The following NIPA2 variants were observed in gnomAD, a reference collection of about 807,000 sequenced individuals.
NIPA2 encodes magnesium transporter NIPA2.
In NIPA2, 11 loss-of-function variants were observed where a neutral mutation model predicts 29.7. The observed-to-expected ratio is 0.37, with a 90% CI of 0.23 to 0.61. NIPA2 has a LOEUF of 0.61. Ranked by LOEUF, NIPA2 falls within the 20% of genes least tolerant of loss-of-function variation. The probability of loss-of-function intolerance (pLI) is 0.66; values close to 1 mark genes in which losing one functional copy is unlikely to be tolerated. For missense variants in NIPA2, 426 were observed against 437.9 expected (o/e 0.97, Z 0.24); for synonymous variants, 183 against 161.9 (o/e 1.13, Z -0.99).
intron 5 of NIPA2, among the ~76,000 whole-genome samples, chr15:22,856,902 C>G (rs764926774): frequency 2.0e-5 from 3 of 152,206 alleles, no homozygotes; most frequent in African/African-American, 7.2e-5. Context: ...GAGATCATGC[C>G]TCTGCCCTGT....
At chr15:22,860,165 G>T (rs2058519769) in intron 6 of NIPA2, among the ~76,000 whole-genome samples, 1 of 151,788 alleles carries the variant, frequency 6.6e-6, no homozygotes, top group Admixed American at 6.6e-5. Context: ...ATTACAGGAT[G>T]CCCGCCACCA....
At chr15:22,856,670 G>C (rs1393518309) in intron 5 of NIPA2, among the ~76,000 whole-genome samples, 2 of 152,138 alleles carry the variant, frequency 1.3e-5, no homozygotes, top group Non-Finnish European at 2.9e-5. Flanking sequence ...AAATCAATTA[G>C]AGAAAACAGG....
intron 5 of NIPA2, among the ~76,000 whole-genome samples, chr15:22,857,248 T>G (rs901536363): frequency 2.0e-5 from 3 of 151,338 alleles, no homozygotes; most frequent in African/African-American, 7.3e-5. Flanking sequence ...CTGACCAACA[T>G]GGTGAAACCC....
At chr15:22,859,719 A>G (rs1457955762) in intron 6 of NIPA2, among the ~76,000 whole-genome samples, 1 of 152,194 alleles carries the variant, frequency 6.6e-6, no homozygotes, top group Non-Finnish European at 1.5e-5. Context: ...GATCTTGGTT[A>G]CTATTCCCAA....
chr15:22,855,313 A>G (rs1484805682), intron 5 of NIPA2, among the ~76,000 whole-genome samples: 1 of 151,904 alleles, frequency 6.6e-6, no homozygotes, highest in Non-Finnish European at 1.5e-5. Context: ...GCTACTCGGG[A>G]GGCTGAGGCA....
intron 2 of NIPA2, among the ~76,000 whole-genome samples, chr15:22,842,732 G>A (rs943437985): frequency 6.6e-6 from 1 of 152,152 alleles, no homozygotes; most frequent in Non-Finnish European, 1.5e-5. Context: ...AGGAGGCTGA[G>A]GCAGGAGAAT....
chr15:22,858,714 A>G (rs568635167), intron 6 of NIPA2, 84 bp downstream of exon 6: 1 of 797,368 alleles, frequency 1.3e-6, no homozygotes, highest in East Asian at 3.1e-5. Context: ...AATATGTTCA[A>G]CACAATTTAC....
At chr15:22,855,933 T>G (rs373044147) in intron 5 of NIPA2, among the ~76,000 whole-genome samples, 3 of 152,314 alleles carry the variant, frequency 2.0e-5, no homozygotes, top group African/African-American at 7.2e-5. Flanking sequence ...TAATCCCCTT[T>G]CACAGTGAAT....
intron 7 of NIPA2, among the ~76,000 whole-genome samples, chr15:22,861,418 T>C (rs2058614514): frequency 6.6e-6 from 1 of 152,170 alleles, no homozygotes; most frequent in Non-Finnish European, 1.5e-5. Flanking sequence ...GTTTGCTTTT[T>C]CTTGGATCCC....
intron 3 of NIPA2, 76 bp from the exon 4 acceptor site, chr15:22,851,563 T>TG: frequency 2.4e-6 from 1 of 410,526 alleles, no homozygotes; most frequent in East Asian, 3.7e-5. Flanking sequence ...GGAAGAGAAA[T>TG]GGAGTAAAAT....
At chr15:22,865,055 T>G (rs970516649) in intron 7 of NIPA2, among the ~76,000 whole-genome samples, 1 of 151,530 alleles carries the variant, frequency 6.6e-6, no homozygotes, top group Non-Finnish European at 1.5e-5. Context: ...AGAGATGAGG[T>G]TTCACCATGT....
chr15:22,860,019 A>G (rs958231281), intron 6 of NIPA2, among the ~76,000 whole-genome samples: 1 of 148,600 alleles, frequency 6.7e-6, no homozygotes, highest in African/African-American at 2.5e-5. Context: ...TGGTTTGGAT[A>G]GAGATTCTTT....
At position 22,867,863 on chromosome 15, in the gene NIPA2, A is replaced by T. The variant is rs1418215454; in HGVS notation, c.*1016A>T. On this transcript the variant is annotated 3_prime_UTR_variant, in exon 8 of 8. Coordinates refer to ENST00000337451, the MANE Select transcript of NIPA2 (RefSeq NM_030922.7). ...TCTAGAAAATGTTTGTTTATGAAGAAGTCGATGGAAAACTGCAAACATATG... is the reference window on the plus strand; with the variant it reads ...TCTAGAAAATGTTTGTTTATGAAGATGTCGATGGAAAACTGCAAACATATG... 1 of 152,228 alleles carries T rather than the reference A, an allele frequency of 6.6e-6. No individual in the cohort carries two copies. Among genetic ancestry groups the T allele is most frequent in the Non-Finnish European group, 1.5e-5 (1 of 68,038 alleles). 9.4% of individuals were successfully genotyped at this position (152,228 alleles called of 1,614,324 possible).
At chr15:22,838,996 G>T (rs1220254797) in intron 1 of NIPA2, 75 bp downstream of exon 1, 2 of 152,208 alleles carry the variant, frequency 1.3e-5, no homozygotes, top group African/African-American at 4.8e-5. Context: ...GCCTTGTGTC[G>T]GAGAAGGGTT....
At position 22,858,577 on chromosome 15, in the gene NIPA2, G is replaced by A. The variant is rs146520013; in HGVS notation, c.234G>A (p.Ala78=). The part of the protein sequence containing the change: ...AGEVANFAAY[A]FAPATLVTPL... ...AGGTGGCCAACTTCGCTGCGTATGC[G>A]TTTGCACCAGCCACTCTAGTGACTC... Residue 78 remains alanine (A), a synonymous_variant, in exon 6 of 8, where the codon GCG becomes GCA. Coordinates refer to ENST00000337451, the MANE Select transcript of NIPA2 (RefSeq NM_030922.7). The A allele has an allele frequency of 1.9e-4, 297 of 1,604,088 alleles. 2 individuals carry two copies. The African/African-American group carries it at 3.2e-3, about 17-fold the overall frequency.
At chr15:22,849,136 G>C (rs1277071683) in intron 3 of NIPA2, among the ~76,000 whole-genome samples, 2 of 152,142 alleles carry the variant, frequency 1.3e-5, no homozygotes, top group African/African-American at 4.8e-5. Flanking sequence ...GTCTTTAAAT[G>C]TGTTTACATC....
At chr15:22,862,264 T>A (rs910490728) in intron 7 of NIPA2, among the ~76,000 whole-genome samples, 4 of 151,382 alleles carry the variant, frequency 2.6e-5, no homozygotes, top group Non-Finnish European at 5.9e-5. Context: ...GCCAGGCTGG[T>A]CTCGAATTCC....
At chr15:22,861,768 C>T (rs1176016620) in intron 7 of NIPA2, among the ~76,000 whole-genome samples, 2 of 151,860 alleles carry the variant, frequency 1.3e-5, no homozygotes, top group African/African-American at 4.8e-5. Flanking sequence ...GAGACAGGGC[C>T]GTGTTGCCCA....
At chr15:22,848,286 G>A (rs535547868) in intron 3 of NIPA2, among the ~76,000 whole-genome samples, 2 of 152,170 alleles carry the variant, frequency 1.3e-5, no homozygotes, top group African/African-American at 4.8e-5. Context: ...CCACTTGCTA[G>A]CATATTGGAT....
Sources: gnomAD v4.1 joint callset for allele counts (sites outside exome capture counted in the v4.1 genomes callset) on GRCh38, gnomAD v4.1.1 for gene constraint, MANE v1.5 for transcripts, NCBI Gene and HGNC (gene_info 2026-07-23, HGNC 2026-07-21) for gene names.